The following KIF16B variants were observed in gnomAD, a reference collection of about 807,000 sequenced individuals.
The protein encoded by KIF16B is kinesin-like protein KIF16B.
In KIF16B, 98 loss-of-function variants were observed where a neutral mutation model predicts 156.3. The ratio of observed to expected loss-of-function variants is 0.63; its 90% CI spans 0.53 to 0.74. The LOEUF (loss-of-function observed/expected upper bound fraction) is 0.74, where lower values mean the gene tolerates loss of function less well. KIF16B is among the 30% of genes least tolerant of loss of function. The pLI is 0.00. For missense variants in KIF16B, 1,421 were observed against 1,606.5 expected, an observed-to-expected ratio of 0.88 and a Z score of 1.97; for synonymous variants, 564 against 583.7, an observed-to-expected ratio of 0.97 and a Z score of 0.49.
chr20:16,315,742 T>C (rs887272028), intron 24 of KIF16B, among the ~76,000 whole-genome samples: 1 of 152,122 alleles, frequency 6.6e-6, no homozygotes, highest in Non-Finnish European at 1.5e-5. Context: ...AACTATCATC[T>C]TACCCCTCTC....
In KIF16B at chr20:16,379,847, C is replaced by G. The variant is rs182454305; in HGVS notation, c.2155G>C (p.Glu719Gln). The change falls in exon 19 of 26, where the codon GAG (glutamate) becomes CAG (glutamine). Residue 719 changes from glutamate (E) to glutamine (Q), a missense_variant. Coordinates refer to ENST00000354981, the MANE Select transcript of KIF16B (RefSeq NM_024704.5). ...LQRLKELNNN[E>Q]KAEKFQIFQE... is the part of the protein sequence containing the mutation. ...AATATCTGAAACTTCTCAGCCTTCTCGTTGTTGTTGAGTTCTTTGAGTCGT... is the reference window on the plus strand; with the variant it reads ...AATATCTGAAACTTCTCAGCCTTCTGGTTGTTGTTGAGTTCTTTGAGTCGT... The G allele has an allele frequency of 1.2e-6, 2 of 1,614,184 alleles. No homozygotes were observed. Among genetic ancestry groups the G allele is most frequent in the Non-Finnish European group, 1.7e-6 (2 of 1,180,046 alleles).
chr20:16,327,596 C>T (rs1438499332), intron 24 of KIF16B, among the ~76,000 whole-genome samples: 3 of 152,078 alleles, frequency 2.0e-5, no homozygotes, highest in Admixed American at 1.3e-4. Flanking sequence ...ATAAGAAATT[C>T]CTAGTTTGGG....
At chr20:16,381,528 C>CAA (rs11306679) in intron 18 of KIF16B, among the ~76,000 whole-genome samples, 166 bp downstream of exon 18, 8 of 122,766 alleles carry the variant, frequency 6.5e-5, no homozygotes, top group African/African-American at 1.2e-4. Flanking sequence ...CCATCTACTC[C>CAA]AAAAAAAAAA....
intron 12 of KIF16B, among the ~76,000 whole-genome samples, chr20:16,456,292 T>C (rs1347842576): frequency 1.3e-5 from 2 of 152,186 alleles, no homozygotes; most frequent in Non-Finnish European, 2.9e-5. Context: ...TTGGAATACA[T>C]AGTTCTCAAA....
chr20:16,458,781 T>TAC (rs1452504956), intron 12 of KIF16B, among the ~76,000 whole-genome samples: 3 of 151,232 alleles, frequency 2.0e-5, no homozygotes, highest in Admixed American at 1.3e-4. Flanking sequence ...CACACACACA[T>TAC]ACACGCACAC....
intron 12 of KIF16B, among the ~76,000 whole-genome samples, chr20:16,476,177 C>A (rs1481814207): frequency 6.6e-6 from 1 of 152,142 alleles, no homozygotes; most frequent in Non-Finnish European, 1.5e-5. Flanking sequence ...GAAACTAAAA[C>A]GCAGTCTGTA....
intron 24 of KIF16B, among the ~76,000 whole-genome samples, chr20:16,323,934 T>G (rs1328157063): frequency 6.6e-6 from 1 of 151,876 alleles, no homozygotes; most frequent in African/African-American, 2.4e-5. Context: ...ATTGTAACTT[T>G]TCCACATGAA....
chr20:16,540,570 A>T (rs1170860908), intron 1 of KIF16B, among the ~76,000 whole-genome samples: 1 of 151,926 alleles, frequency 6.6e-6, no homozygotes, highest in African/African-American at 2.4e-5. Flanking sequence ...GCACTTTCAC[A>T]CCTTCCCATG....
intron 25 of KIF16B, among the ~76,000 whole-genome samples, chr20:16,295,453 T>C (rs1350784857): frequency 6.6e-6 from 1 of 151,456 alleles, no homozygotes; most frequent in African/African-American, 2.4e-5. Context: ...TATATAGCTA[T>C]AATCCATATT....
At chr20:16,419,055 G>T (rs2066162283) in intron 15 of KIF16B, among the ~76,000 whole-genome samples, 1 of 152,068 alleles carries the variant, frequency 6.6e-6, no homozygotes, top group South Asian at 2.1e-4. Flanking sequence ...CCCTAGATTT[G>T]CTGGTTCAGT....
intron 1 of KIF16B, among the ~76,000 whole-genome samples, chr20:16,543,709 G>A (rs925713461): frequency 2.0e-5 from 3 of 152,168 alleles, no homozygotes; most frequent in African/African-American, 7.2e-5. Context: ...GGAGATTTAG[G>A]GTCAAGCAAG....
At chr20:16,352,604 G>A (rs1347805882) in intron 23 of KIF16B, among the ~76,000 whole-genome samples, 1 of 152,146 alleles carries the variant, frequency 6.6e-6, no homozygotes, top group Non-Finnish European at 1.5e-5. Context: ...TACTTCACGT[G>A]GCAATGGGCA....
intron 12 of KIF16B, among the ~76,000 whole-genome samples, chr20:16,455,098 G>T (rs998617083): frequency 5.9e-5 from 9 of 152,140 alleles, no homozygotes; most frequent in Non-Finnish European, 1.3e-4. Flanking sequence ...CCGAATCCAG[G>T]AAATTCATGA....
intron 10 of KIF16B, among the ~76,000 whole-genome samples, chr20:16,502,065 T>C (rs1424874134): frequency 2.0e-5 from 3 of 152,204 alleles, no homozygotes; most frequent in Non-Finnish European, 2.9e-5. Context: ...ATCTACATAG[T>C]AGAAGAATCA....
At chr20:16,329,905 A>C (rs1248123160) in intron 24 of KIF16B, among the ~76,000 whole-genome samples, 1 of 152,226 alleles carries the variant, frequency 6.6e-6, no homozygotes, top group Non-Finnish European at 1.5e-5. Context: ...GAATCTGAAA[A>C]CAGAATGGCA....
chr20:16,440,571 A>T (rs998171226), intron 12 of KIF16B, among the ~76,000 whole-genome samples: 1 of 139,622 alleles, frequency 7.2e-6, no homozygotes, highest in Non-Finnish European at 1.6e-5. Flanking sequence ...ACACACACAC[A>T]CACACACACA....
chr20:16,326,669 AT>A (rs1601575995), intron 24 of KIF16B, among the ~76,000 whole-genome samples: 1 of 152,052 alleles, frequency 6.6e-6, no homozygotes, highest in South Asian at 2.1e-4. Context: ...AATCAAAAAA[AT>A]AAAAGATGTT....
intron 12 of KIF16B, among the ~76,000 whole-genome samples, chr20:16,446,056 C>T (rs6111130): frequency 0.055 from 8,371 of 152,198 alleles, 756 homozygotes; most frequent in African/African-American, 0.19. Context: ...TATGAGAGTG[C>T]AGAAGCCTGC....
At chr20:16,339,295 C>A (rs2064099031) in intron 23 of KIF16B, among the ~76,000 whole-genome samples, 1 of 152,138 alleles carries the variant, frequency 6.6e-6, no homozygotes, top group South Asian at 2.1e-4. Flanking sequence ...ATAGCGTTCT[C>A]CTCCTTCAAA....
Sources: allele counts gnomAD v4.1 joint callset (sites outside exome capture counted in the v4.1 genomes callset), GRCh38; gene constraint gnomAD v4.1.1; transcripts MANE v1.5; gene names NCBI Gene and HGNC (gene_info 2026-07-23, HGNC 2026-07-21).